SOX6: variants seen among roughly 807,000 people sequenced by gnomAD.
SOX6 encodes SRY-box transcription factor 6, also known as transcription factor SOX-6.
Under a neutral mutation model 97.8 loss-of-function variants are expected in SOX6, and 11 were observed. The observed-to-expected ratio is 0.11, with a 90% CI of 0.07 to 0.19. The LOEUF is 0.19. Among genes scored for constraint, SOX6 ranks in the 10% least tolerant of loss-of-function variants. SOX6 has a pLI of 1.00. For synonymous variants in SOX6, 360 were observed against 371.4 expected (o/e 0.97, Z 0.35); for missense variants, 810 against 1,039.5 (o/e 0.78, Z 3.04).
intron 3 of SOX6, among the ~76,000 whole-genome samples, chr11:16,242,802 T>C (rs1027993296): frequency 6.6e-6 from 1 of 152,040 alleles, no homozygotes; most frequent in Non-Finnish European, 1.5e-5. Context: ...TTATCTATTT[T>C]ACTTTATATA....
At chr11:16,549,316 T>C (rs1014342352) in intron 4 of SOX6, among the ~76,000 whole-genome samples, 2 of 152,138 alleles carry the variant, frequency 1.3e-5, no homozygotes, top group Non-Finnish European at 2.9e-5. Flanking sequence ...ATTACAGGCA[T>C]GCGCCACCAC....
intron 1 of SOX6, among the ~76,000 whole-genome samples, chr11:16,391,178 A>T (rs553304804): frequency 6.6e-6 from 1 of 152,208 alleles, no homozygotes; most frequent in African/African-American, 2.4e-5. Context: ...AACATCACAC[A>T]CTGGGGAACA....
intron 6 of SOX6, among the ~76,000 whole-genome samples, chr11:16,132,433 GAAAGAAAGA>G (rs1849822069): frequency 1.2e-5 from 1 of 80,604 alleles, no homozygotes; most frequent in African/African-American, 5.6e-5. Flanking sequence ...AAGAAAGAAA[GAAAGAAAGA>G]AAAAAGAAAG....
chr11:16,652,122 C>T (rs891779995), intron 3 of SOX6, among the ~76,000 whole-genome samples: 7 of 152,110 alleles, frequency 4.6e-5, no homozygotes, highest in Non-Finnish European at 8.8e-5. Context: ...ATGACATAAA[C>T]AATGGAAACA....
At position 16,431,787 on chromosome 11, in the gene SOX6, T is replaced by C. The variant is rs147345779; in HGVS notation, c.-5+44528A>G. On this transcript the variant is annotated intron_variant, in intron 1 of 15. Coordinates refer to the SOX6 transcript ENST00000396356. Reference sequence around the variant, plus strand: ...TTTCATATCAAGTATTTGTCATAGATAACTTTCCCAATTTCTTATATTCTA... The same window carrying C: ...TTTCATATCAAGTATTTGTCATAGACAACTTTCCCAATTTCTTATATTCTA... Among the ~76,000 whole-genome samples the C allele has an allele frequency of 6.9e-3, 1,047 of 152,244 alleles. 11 individuals carry two copies. Among genetic ancestry groups the C allele is most frequent in the African/African-American group, 0.024 (995 of 41,562 alleles).
At chr11:16,000,720 G>GTGTC in intron 13 of SOX6, among the ~76,000 whole-genome samples, 1 of 152,046 alleles carries the variant, frequency 6.6e-6, no homozygotes, top group African/African-American at 2.4e-5. Context: ...ATGACAGTGT[G>GTGTC]TGTGTGTGTG....
chr11:16,247,208 G>T lies in SOX6; in HGVS notation c.446-12537C>A, dbSNP rs552543551. ...ATTTTTCTTAACGTAATATCCTTTT[G>T]TTGAATCCATGTTGTTGTAAACAAC... On this transcript the variant is annotated intron_variant, in intron 3 of 15. Coordinates refer to ENST00000683767, the MANE Select transcript of SOX6 (RefSeq NM_001367873.1). Among the ~76,000 whole-genome samples, 13 of 152,162 alleles carry T rather than the reference G, an allele frequency of 8.5e-5. No individual in the cohort carries two copies. In the East Asian group the frequency reaches 2.5e-3, roughly 29 times the overall value.
At chr11:16,516,592 T>A (rs1196583435) in intron 4 of SOX6, among the ~76,000 whole-genome samples, 23 of 151,774 alleles carry the variant, frequency 1.5e-4, no homozygotes, top group Admixed American at 1.4e-3. Context: ...AATGGATAAA[T>A]TCCTCGACAC....
intron 3 of SOX6, among the ~76,000 whole-genome samples, chr11:16,248,840 G>A (rs1396204772): frequency 1.3e-5 from 2 of 152,164 alleles, no homozygotes; most frequent in African/African-American, 4.8e-5. Context: ...GCTCATGCCT[G>A]TAATCCCAGC....
intron 4 of SOX6, among the ~76,000 whole-genome samples, chr11:16,559,025 A>G (rs1201989570): frequency 6.6e-6 from 1 of 152,078 alleles, no homozygotes; most frequent in Non-Finnish European, 1.5e-5. Context: ...CAATTTTTTC[A>G]ACATTAAAGA....
chr11:16,681,881 C>T (rs933266486), intron 3 of SOX6, among the ~76,000 whole-genome samples: 2 of 152,094 alleles, frequency 1.3e-5, no homozygotes, highest in Non-Finnish European at 2.9e-5. Context: ...ATAAATTCCT[C>T]GACACATACA....
At chr11:16,092,627 T>A (rs941916830) in intron 9 of SOX6, among the ~76,000 whole-genome samples, 1 of 151,946 alleles carries the variant, frequency 6.6e-6, no homozygotes, top group Non-Finnish European at 1.5e-5. Flanking sequence ...CTGTGTGATA[T>A]CTAACTGCTG....
At chr11:16,145,909 G>A (rs1455394381) in intron 6 of SOX6, among the ~76,000 whole-genome samples, 4 of 152,142 alleles carry the variant, frequency 2.6e-5, no homozygotes, top group Admixed American at 2.6e-4. Flanking sequence ...TCAATATCGT[G>A]AAAATGGCCA....
chr11:15,997,229 A>G (rs1176658050), intron 13 of SOX6, among the ~76,000 whole-genome samples: 1 of 152,232 alleles, frequency 6.6e-6, no homozygotes, highest in East Asian at 1.9e-4. Context: ...AATCAATTGA[A>G]TTTATAACGA....
At chr11:16,052,602 A>G (rs1847713845) in intron 10 of SOX6, among the ~76,000 whole-genome samples, 1 of 152,098 alleles carries the variant, frequency 6.6e-6, no homozygotes, top group Non-Finnish European at 1.5e-5. Context: ...GATTTTTCTC[A>G]TTATTCATAT....
At chr11:16,402,779 A>C (rs188721538) in intron 1 of SOX6, 1 of 1,602,040 alleles carries the variant, frequency 6.2e-7, no homozygotes, top group Non-Finnish European at 8.5e-7. Context: ...ACAATCTACT[A>C]TTGTTACATG....
At chr11:16,110,803 T>C (rs1359985413) in intron 7 of SOX6, among the ~76,000 whole-genome samples, 1 of 152,218 alleles carries the variant, frequency 6.6e-6, no homozygotes, top group Non-Finnish European at 1.5e-5. Context: ...AGCTTTCTTC[T>C]CCAGAATTTT....
intron 2 of SOX6, among the ~76,000 whole-genome samples, chr11:16,339,330 A>G (rs1856558021): frequency 6.6e-6 from 1 of 151,966 alleles, no homozygotes; most frequent in Admixed American, 6.6e-5. Context: ...CTCTCCAACT[A>G]TATCTTATCC....
intron 3 of SOX6, among the ~76,000 whole-genome samples, chr11:16,706,449 C>CCAAAAAAAAAAAA (rs1848132938): frequency 4.1e-4 from 1 of 2,450 alleles, no homozygotes; most frequent in African/African-American, 1.6e-3. Context: ...GAACCTATCA[C>CCAAAAAAAAAAAA]AAAAAAAAAA....
Sources: allele counts gnomAD v4.1 joint callset (sites outside exome capture counted in the v4.1 genomes callset), GRCh38; gene constraint gnomAD v4.1.1; transcripts MANE v1.5; gene names NCBI Gene and HGNC (gene_info 2026-07-23, HGNC 2026-07-21).